Variants in R3HDM1 observed in about 807,000 individuals in gnomAD.
R3HDM1 encodes the protein R3H domain containing 1.
R3HDM1 carries 46 observed loss-of-function variants against 141.1 expected under a neutral mutation model. The observed-to-expected ratio is 0.33, with a 90% CI of 0.26 to 0.42. The LOEUF (loss-of-function observed/expected upper bound fraction) is 0.42. R3HDM1 is among the 10% of genes least tolerant of loss of function. The pLI is 1.00. For synonymous variants in R3HDM1, 435 were observed against 472.9 expected (o/e 0.92, Z 1.04); for missense variants, 1,184 against 1,368.3 (o/e 0.87, Z 2.12).
chr2:135,715,796 A>C, intron 24 of R3HDM1, 102 bp downstream of exon 24: 7 of 1,402,256 alleles, frequency 5.0e-6, no homozygotes, highest in East Asian at 2.3e-5. Flanking sequence ...TATTTTCCAT[A>C]GAGCTGCATC....
intron 24 of R3HDM1, among the ~76,000 whole-genome samples, chr2:135,717,535 T>C (rs373799995): frequency 4.0e-5 from 6 of 151,856 alleles, no homozygotes; most frequent in African/African-American, 1.4e-4. Context: ...TAAACATTGA[T>C]GAACACAAAG....
At chr2:135,648,230 A>C (rs896558876) in intron 16 of R3HDM1, among the ~76,000 whole-genome samples, 3 of 152,126 alleles carry the variant, frequency 2.0e-5, no homozygotes, top group Admixed American at 2.0e-4. Context: ...GCTTTTACTG[A>C]AAGATTTTTT....
intron 18 of R3HDM1, among the ~76,000 whole-genome samples, 154 bp from the exon 19 acceptor site, chr2:135,661,115 AT>A (rs547542815): frequency 2.0e-4 from 30 of 151,974 alleles, no homozygotes; most frequent in South Asian, 6.2e-4. Flanking sequence ...CTTTGTTTGA[AT>A]TTTTTTTAAA....
intron 21 of R3HDM1, among the ~76,000 whole-genome samples, chr2:135,693,099 C>G: frequency 6.6e-6 from 1 of 151,904 alleles, no homozygotes; most frequent in East Asian, 1.9e-4. Context: ...ATTTATATAA[C>G]AAGGGGAAAA....
chr2:135,615,629 T>C (rs867135166), intron 3 of R3HDM1, among the ~76,000 whole-genome samples: 3 of 152,198 alleles, frequency 2.0e-5, no homozygotes, highest in African/African-American at 7.2e-5. Context: ...TGAATAGGTT[T>C]CTATCACTAA....
At chr2:135,680,052 C>T in intron 20 of R3HDM1, 121 bp from the exon 21 acceptor site, 2 of 1,041,386 alleles carry the variant, frequency 1.9e-6, no homozygotes, top group Non-Finnish European at 2.8e-6. Flanking sequence ...TACACTCCAG[C>T]CTGGGCAACA....
rs763653530 is a variant in R3HDM1, at chr2:135,675,505, G to A, written c.2307+19G>A. ...ATATCAGGTATATTGTCTCTTTTAT[G>A]TACTTTGGGTAGAGATGATTTCGAA... On this transcript the variant is annotated intron_variant, in intron 20 of 26. Coordinates refer to ENST00000683871, the MANE Select transcript of R3HDM1 (RefSeq NM_001378107.1). 6.3e-7 allele frequency: 1 copy of A among 1,592,640 alleles called. No individual in the cohort carries two copies. Among genetic ancestry groups the A allele is most frequent in the East Asian group, 2.2e-5 (1 of 44,594 alleles).
intron 21 of R3HDM1, among the ~76,000 whole-genome samples, chr2:135,701,939 T>C (rs1199610683): frequency 2.6e-5 from 4 of 152,138 alleles, no homozygotes; most frequent in African/African-American, 7.2e-5. Flanking sequence ...TGAGATATAA[T>C]TTATATACTA....
At chr2:135,541,868 A>AG (rs1553518083) in intron 1 of R3HDM1, among the ~76,000 whole-genome samples, 67 of 143,928 alleles carry the variant, frequency 4.7e-4, no homozygotes, top group African/African-American at 5.2e-4. Flanking sequence ...AAAAAAAAAA[A>AG]AAAGAAAGAA....
chr2:135,668,729 T>C (rs931901659), intron 19 of R3HDM1, among the ~76,000 whole-genome samples: 4 of 152,218 alleles, frequency 2.6e-5, no homozygotes, highest in South Asian at 2.1e-4. Context: ...GCACAAAATG[T>C]GTCCAGGTTA....
chr2:135,678,363 A>G (rs1004023774), intron 20 of R3HDM1, among the ~76,000 whole-genome samples: 5 of 152,080 alleles, frequency 3.3e-5, no homozygotes, highest in Non-Finnish European at 5.9e-5. Context: ...TGACTTTCCT[A>G]CTTACTAATC....
chr2:135,714,946 C>G (rs1345954994), intron 23 of R3HDM1, among the ~76,000 whole-genome samples: 1 of 152,086 alleles, frequency 6.6e-6, no homozygotes, highest in Non-Finnish European at 1.5e-5. Context: ...TTCTCTCATG[C>G]AAAAGTATCG....
Position 135,724,193 on chromosome 2 carries a change from T to G in R3HDM1, c.3306T>G (p.Asn1102Lys). ...ATFPSISAAQNALKKQINSVN... is the reference protein window; with the variant it reads ...ATFPSISAAQKALKKQINSVN... ...TCCCCTCCATTTCAGCTGCACAGAA[T>G]GCACTGAAGAAACAAATTAACTCAG... Residue 1102 changes from asparagine (N) to lysine (K), a missense_variant, in exon 27 of 27, where the codon AAT becomes AAG. This residue lies in a region of R3HDM1 where 182 missense variants were observed against 252.6 expected (regional missense o/e 0.72). Coordinates refer to ENST00000683871, the MANE Select transcript of R3HDM1 (RefSeq NM_001378107.1). The G allele has an allele frequency of 1.2e-6, 2 of 1,613,958 alleles. No homozygotes were observed. The highest frequency in any genetic ancestry group is 1.1e-5 in the South Asian group (1 of 91,076).
At position 135,641,574 on chromosome 2, in the gene R3HDM1, T is replaced by A; in HGVS notation, c.1258T>A (p.Ser420Thr). The change falls in exon 15 of 27, where the codon TCT (serine) becomes ACT (threonine). Residue 420 changes from serine to threonine, a missense_variant. This residue lies in a region of R3HDM1 where 240 missense variants were observed against 312.3 expected (regional missense o/e 0.77). Coordinates refer to ENST00000683871, the MANE Select transcript of R3HDM1 (RefSeq NM_001378107.1). ...SSGSVGSSTG[S>T]LSHIQQPLPG... ...TGGTAGTGTAGGGTCATCTACAGGC[T>A]CTCTTTCTCACATCCAGCAGCCTCT... is the stretch of plus-strand genomic sequence containing the variant. The A allele has an allele frequency of 6.2e-7, 1 of 1,614,092 alleles. No individual in the cohort carries two copies. The highest frequency in any genetic ancestry group is 8.5e-7 in the Non-Finnish European group (1 of 1,179,950).
At chr2:135,537,840 G>A (rs1034936524) in intron 1 of R3HDM1, among the ~76,000 whole-genome samples, 1 of 151,626 alleles carries the variant, frequency 6.6e-6, no homozygotes, top group Non-Finnish European at 1.5e-5. Flanking sequence ...TTTTAAAAAC[G>A]TTCTTGGGAA....
Position 135,651,824 on chromosome 2 carries a change from CTG to C in R3HDM1, c.1823_1824del (p.Val608GlyfsTer184). 6.2e-7 allele frequency: 1 copy of C among 1,614,164 alleles called. No individual in the cohort carries two copies. Among genetic ancestry groups the C allele is most frequent in the Non-Finnish European group, 8.5e-7 (1 of 1,180,024 alleles). ...CCTCATGCCGCCATGTTCCAGTCCACTGTGGTTCTTCAGTCTCCACAGCAGTC... is the reference window on the plus strand; with the variant it reads ...CCTCATGCCGCCATGTTCCAGTCCACTGGTTCTTCAGTCTCCACAGCAGTC... On this transcript the variant is annotated frameshift_variant, in exon 18 of 27. Transcript: ENST00000683871. LOFTEE classifies it high-confidence loss of function.
chr2:135,631,381 T>C (rs1272262229), intron 7 of R3HDM1, among the ~76,000 whole-genome samples: 1 of 151,668 alleles, frequency 6.6e-6, no homozygotes, highest in Non-Finnish European at 1.5e-5. Flanking sequence ...AAAATACATT[T>C]AAGTTCCTTC....
chr2:135,672,624 G>A (rs62168798), intron 19 of R3HDM1, among the ~76,000 whole-genome samples: 2,129 of 152,046 alleles, frequency 0.014, 27 homozygotes, highest in Admixed American at 0.029. Context: ...TAACCCAGAT[G>A]GTGTCCTTTT....
chr2:135,583,740 G>T (rs2105036724), intron 1 of R3HDM1: 5 of 985,132 alleles, frequency 5.1e-6, no homozygotes, highest in South Asian at 4.7e-5. Flanking sequence ...TTCAAATGTT[G>T]TCTTTACCTG....
Sources: gnomAD v4.1 joint callset for allele counts (sites outside exome capture counted in the v4.1 genomes callset) on GRCh38, gnomAD v4.1.1 for gene constraint, gnomAD v4.1.1 regional missense constraint, MANE v1.5 for transcripts, NCBI Gene and HGNC (gene_info 2026-07-23, HGNC 2026-07-21) for gene names.